Variants in LRMDA observed in about 807,000 individuals in gnomAD.
LRMDA encodes leucine-rich melanocyte differentiation-associated protein.
In LRMDA, 18 loss-of-function variants were observed where a neutral mutation model predicts 29.8. That is an observed-to-expected ratio of 0.60 (90% CI 0.42 to 0.90). The LOEUF (loss-of-function observed/expected upper bound fraction) is 0.90, where lower values mean the gene tolerates loss of function less well. Ranked by LOEUF, LRMDA falls within the 40% of genes least tolerant of loss-of-function variation. The pLI is 0.00. For synonymous variants in LRMDA, 125 were observed against 109.4 expected (o/e 1.14, Z -0.89); for missense variants, 273 against 273.9 (o/e 1.00, Z 0.02).
At chr10:76,411,049 A>C (rs1197425478) in intron 6 of LRMDA, among the ~76,000 whole-genome samples, 1 of 152,118 alleles carries the variant, frequency 6.6e-6, no homozygotes, top group Non-Finnish European at 1.5e-5. Flanking sequence ...TTCATGCAAG[A>C]GATGTTTGTC....
chr10:75,553,306 G>C (rs1840174927), intron 2 of LRMDA, among the ~76,000 whole-genome samples: 1 of 152,178 alleles, frequency 6.6e-6, no homozygotes. Flanking sequence ...GTGGCTTGCT[G>C]CTACCTTTGC....
chr10:76,184,219 C>T lies in LRMDA; in HGVS notation c.516+125436C>T, dbSNP rs549649966. The stretch of plus-strand genomic sequence containing the variant: ...CTAATTTTTGTATTTTTAGTAGAGA[C>T]GGGGTTTCACCGTGTTGGCCAGGCT... On this transcript the variant is annotated intron_variant, in intron 5 of 6. Coordinates refer to ENST00000611255, the MANE Select transcript of LRMDA (RefSeq NM_001305581.2). Among the ~76,000 whole-genome samples the T allele has an allele frequency of 2.4e-3, 358 of 151,862 alleles. 4 individuals carry two copies. The highest frequency in any genetic ancestry group is 8.3e-3 in the African/African-American group (345 of 41,406).
intron 2 of LRMDA, among the ~76,000 whole-genome samples, chr10:75,547,680 A>C (rs1247027245): frequency 6.6e-6 from 1 of 152,248 alleles, no homozygotes; most frequent in African/African-American, 2.4e-5. Context: ...ATAAATCTCC[A>C]TTTGTCATAA....
Position 76,557,276 on chromosome 10 carries a change from T to C in LRMDA, c.669T>C (p.Asp223=), listed in dbSNP as rs1327301898. The C allele has an allele frequency of 6.2e-7, 1 of 1,613,842 alleles. No homozygotes were observed. The highest frequency in any genetic ancestry group is 1.3e-5 in the African/African-American group (1 of 75,052). The change falls in exon 7 of 7, where the codon GAT becomes GAC. Residue 223 remains aspartate, a synonymous_variant. Transcript: ENST00000611255. Reference sequence around the variant, plus strand: ...CAGAGGGCAACAGGTTTATCCGAGATGACCAGCTCTGAAGCCAACTTCTGT... The same window carrying C: ...CAGAGGGCAACAGGTTTATCCGAGACGACCAGCTCTGAAGCCAACTTCTGT... ...KNSEGNRFIR[D]DQL
chr10:76,081,876 C>A (rs1849054489), intron 5 of LRMDA, among the ~76,000 whole-genome samples: 2 of 152,156 alleles, frequency 1.3e-5, no homozygotes, highest in African/African-American at 4.8e-5. Context: ...AACACTATCC[C>A]TTACTTTGTT....
chr10:75,807,210 G>A (rs1843870450), intron 2 of LRMDA, among the ~76,000 whole-genome samples: 1 of 152,142 alleles, frequency 6.6e-6, no homozygotes, highest in African/African-American at 2.4e-5. Flanking sequence ...TGAGCAGTAG[G>A]CATATGGCCA....
chr10:75,885,037 C>T (rs1282341018), intron 2 of LRMDA, among the ~76,000 whole-genome samples: 5 of 151,768 alleles, frequency 3.3e-5, no homozygotes, highest in African/African-American at 4.8e-5. Context: ...TTCAGGAGGC[C>T]GGGGGAGGAC....
chr10:75,849,581 C>A (rs1844697216), intron 2 of LRMDA, among the ~76,000 whole-genome samples: 1 of 152,082 alleles, frequency 6.6e-6, no homozygotes, highest in African/African-American at 2.4e-5. Context: ...GGGAGGGAAA[C>A]AACATACACT....
At chr10:75,574,116 T>C (rs916162942) in intron 2 of LRMDA, among the ~76,000 whole-genome samples, 2 of 152,136 alleles carry the variant, frequency 1.3e-5, no homozygotes, top group Admixed American at 6.5e-5. Context: ...TAGTTCCAGT[T>C]CCCCATACTG....
chr10:76,163,662 G>A (rs1850687150), intron 5 of LRMDA, among the ~76,000 whole-genome samples: 1 of 152,142 alleles, frequency 6.6e-6, no homozygotes, highest in South Asian at 2.1e-4. Context: ...TCAGGAAGAT[G>A]CATTTTAATT....
At chr10:75,477,864 C>A (rs1401631650) in intron 2 of LRMDA, among the ~76,000 whole-genome samples, 1 of 152,246 alleles carries the variant, frequency 6.6e-6, no homozygotes, top group Non-Finnish European at 1.5e-5. Flanking sequence ...TTTGACAGAA[C>A]TCCCTGTCAT....
chr10:76,426,730 T>C (rs542091503), intron 6 of LRMDA, among the ~76,000 whole-genome samples: 2 of 152,306 alleles, frequency 1.3e-5, no homozygotes, highest in South Asian at 4.1e-4. Flanking sequence ...GTTTTTATGG[T>C]TTTAGGTCTA....
intron 5 of LRMDA, among the ~76,000 whole-genome samples, chr10:76,195,334 A>C (rs2132226312): frequency 6.6e-6 from 1 of 152,348 alleles, no homozygotes; most frequent in South Asian, 2.1e-4. Context: ...TCACAGAGCT[A>C]TTAAAGTAGC....
chr10:76,069,505 A>G (rs1438206902), intron 5 of LRMDA, among the ~76,000 whole-genome samples: 2 of 152,218 alleles, frequency 1.3e-5, no homozygotes, highest in Non-Finnish European at 2.9e-5. Flanking sequence ...GTGCATTTTA[A>G]AATATGGCAG....
chr10:75,935,602 G>A (rs1278850424), intron 2 of LRMDA, among the ~76,000 whole-genome samples: 1 of 152,190 alleles, frequency 6.6e-6, no homozygotes, highest in African/African-American at 2.4e-5. Context: ...GCAAAGAAAT[G>A]CCAAGGTCAC....
At chr10:75,607,805 T>C (rs1840974170) in intron 2 of LRMDA, among the ~76,000 whole-genome samples, 1 of 147,876 alleles carries the variant, frequency 6.8e-6, no homozygotes, top group Admixed American at 6.7e-5. Flanking sequence ...GCCCCACTCC[T>C]GGAGATTTTG....
intron 2 of LRMDA, among the ~76,000 whole-genome samples, chr10:75,469,138 G>A (rs1280547615): frequency 6.6e-6 from 1 of 152,000 alleles, no homozygotes; most frequent in African/African-American, 2.4e-5. Context: ...ACTGGGAGAT[G>A]GTGCTGGCTC....
intron 2 of LRMDA, among the ~76,000 whole-genome samples, chr10:75,494,289 C>A (rs1034613797): frequency 1.3e-5 from 2 of 152,034 alleles, no homozygotes; most frequent in Non-Finnish European, 2.9e-5. Flanking sequence ...GTGGCTGTTA[C>A]CTTTGGTAAT....
chr10:76,510,775 G>A (rs1843002760), intron 6 of LRMDA, among the ~76,000 whole-genome samples: 1 of 152,152 alleles, frequency 6.6e-6, no homozygotes, highest in African/African-American at 2.4e-5. Context: ...TGATCATCTT[G>A]CCAGAGCTTT....
Sources: allele counts gnomAD v4.1 joint callset (sites outside exome capture counted in the v4.1 genomes callset), GRCh38; gene constraint gnomAD v4.1.1; transcripts MANE v1.5; gene names NCBI Gene and HGNC (gene_info 2026-07-23, HGNC 2026-07-21).